Variants in MTBP observed in about 807,000 individuals in gnomAD.
MTBP encodes mdm2-binding protein.
A neutral mutation model predicts 117.0 loss-of-function variants in MTBP; 101 were observed. That is an observed-to-expected ratio of 0.86 (90% CI 0.73 to 1.02). The LOEUF is 1.02. Among genes scored for constraint, MTBP ranks in the 50% least tolerant of loss-of-function variants. MTBP has a pLI of 0.00. For missense variants in MTBP, 970 were observed against 1,030.9 expected (o/e 0.94, Z 0.81); for synonymous variants, 350 against 351.5 (o/e 1.00, Z 0.05).
chr8:120,503,937 G>T (rs1349717834), intron 15 of MTBP, among the ~76,000 whole-genome samples: 1 of 152,098 alleles, frequency 6.6e-6, no homozygotes, highest in African/African-American at 2.4e-5. Flanking sequence ...TAGATGGGTG[G>T]AAACTTAGGG....
chr8:120,507,271 C>G (rs1814706737), intron 16 of MTBP, among the ~76,000 whole-genome samples: 1 of 152,064 alleles, frequency 6.6e-6, no homozygotes, highest in East Asian at 1.9e-4. Flanking sequence ...TAGCAAAAAG[C>G]ATGGCCTTTC....
At position 120,502,500 on chromosome 8, in the gene MTBP, C is replaced by A. The variant is rs776430978; in HGVS notation, c.1618C>A (p.Pro540Thr). 2 of 1,585,982 alleles carry A rather than the reference C, an allele frequency of 1.3e-6. No homozygotes were observed. The highest frequency in any genetic ancestry group is 1.7e-6 in the Non-Finnish European group (2 of 1,166,990). Residue 540 changes from proline to threonine, a missense_variant, in exon 15 of 22, where the codon CCA becomes ACA. Coordinates refer to ENST00000305949, the MANE Select transcript of MTBP (RefSeq NM_022045.5). ...KTFNILNDFS[P>T]VEPNSSSLME... ...TATTTCTTTCACTTTAGATTTTAGT[C>A]CAGTGGAACCTAATTCCTCAAGTCT...
At chr8:120,495,276 T>C (rs1814427208) in intron 13 of MTBP, among the ~76,000 whole-genome samples, 1 of 152,206 alleles carries the variant, frequency 6.6e-6, no homozygotes, top group African/African-American at 2.4e-5. Context: ...TGCTTTGCTA[T>C]GTTTCTGTTG....
At chr8:120,511,409 C>T (rs1814806122) in intron 17 of MTBP, among the ~76,000 whole-genome samples, 2 of 152,214 alleles carry the variant, frequency 1.3e-5, no homozygotes, top group South Asian at 4.1e-4. Flanking sequence ...GATTCTCATG[C>T]CTCAGCCTCC....
intron 8 of MTBP, among the ~76,000 whole-genome samples, chr8:120,459,922 A>C (rs1465444604): frequency 6.6e-6 from 1 of 152,148 alleles, no homozygotes; most frequent in South Asian, 2.1e-4. Context: ...AATGCAAGTA[A>C]TTATAAAATA....
At chr8:120,517,743 C>T (rs1386773071) in intron 18 of MTBP, 108 bp from the exon 19 acceptor site, 9 of 1,122,064 alleles carry the variant, frequency 8.0e-6, no homozygotes, top group Admixed American at 7.6e-5. Flanking sequence ...AAATGAACTT[C>T]GATGTTGATT....
chr8:120,503,948 T>C (rs562286076), intron 15 of MTBP, among the ~76,000 whole-genome samples: 14 of 152,138 alleles, frequency 9.2e-5, no homozygotes, highest in African/African-American at 2.9e-4. Context: ...AAACTTAGGG[T>C]GAGGACAGCT....
chr8:120,468,749 G>A (rs749610805), intron 10 of MTBP, among the ~76,000 whole-genome samples: 15 of 152,134 alleles, frequency 9.9e-5, no homozygotes, highest in South Asian at 2.1e-4. Flanking sequence ...AGTCTTAGAT[G>A]TAATGGTTTC....
intron 2 of MTBP, among the ~76,000 whole-genome samples, chr8:120,449,928 G>C (rs1437727734): frequency 1.3e-5 from 2 of 152,164 alleles, no homozygotes; most frequent in East Asian, 3.8e-4. Flanking sequence ...AAGTGGAAAA[G>C]TTGATGAGGA....
Position 120,488,253 on chromosome 8 carries a change from A to G in MTBP, c.1260A>G (p.Ser420=), listed in dbSNP as rs1814261018. The change falls in exon 12 of 22, where the codon TCA becomes TCG. Residue 420 remains serine, a synonymous_variant. Coordinates refer to ENST00000305949, the MANE Select transcript of MTBP (RefSeq NM_022045.5). ...GATGTAAAGCCACATTGATTCACTC[A>G]GCCAACCAGATCAATGGCTCATTTG... ...NRRCKATLIH[S]ANQINGSFAL... is the part of the protein sequence containing the mutation. 1 of 1,591,770 alleles carries G rather than the reference A, an allele frequency of 6.3e-7. No individual in the cohort carries two copies.
chr8:120,518,023 A>G lies in MTBP; in HGVS notation c.2419A>G (p.Ser807Gly). The G allele has an allele frequency of 6.2e-7, 1 of 1,612,912 alleles. No homozygotes were observed. The highest frequency in any genetic ancestry group is 8.5e-7 in the Non-Finnish European group (1 of 1,179,172). Reference protein sequence around the residue: ...CETPKLATKTSSGQKSMHESK... With the variant: ...CETPKLATKTGSGQKSMHESK... The stretch of plus-strand genomic sequence containing the variant: ...AACTCCAAAACTTGCTACAAAGACC[A>G]GTTCAGGTCAAAAAAGTATGCATGA... The change falls in exon 19 of 22, where the codon AGT (serine) becomes GGT (glycine). Residue 807 changes from serine (S) to glycine (G), a missense_variant. Coordinates refer to ENST00000305949, the MANE Select transcript of MTBP (RefSeq NM_022045.5).
intron 11 of MTBP, among the ~76,000 whole-genome samples, chr8:120,485,873 C>G (rs977635606): frequency 6.6e-6 from 1 of 152,120 alleles, no homozygotes; most frequent in Non-Finnish European, 1.5e-5. Context: ...GAGGGTGCGG[C>G]CTTCAGTGTG....
intron 10 of MTBP, among the ~76,000 whole-genome samples, chr8:120,467,418 C>G (rs1045003035): frequency 1.3e-5 from 2 of 152,084 alleles, no homozygotes; most frequent in Non-Finnish European, 2.9e-5. Flanking sequence ...AGTCCAAGAC[C>G]AGCCTGAGCA....
intron 17 of MTBP, among the ~76,000 whole-genome samples, chr8:120,511,548 G>A (rs1436752465): frequency 6.6e-6 from 1 of 152,088 alleles, no homozygotes; most frequent in Non-Finnish European, 1.5e-5. Context: ...ACCTGCCTCA[G>A]CCTCAAAAAG....
At chr8:120,492,599 A>G (rs1249629519) in intron 13 of MTBP, among the ~76,000 whole-genome samples, 1 of 152,204 alleles carries the variant, frequency 6.6e-6, no homozygotes, top group African/African-American at 2.4e-5. Context: ...TATCAACAAA[A>G]CATGGGGTAG....
intron 2 of MTBP, among the ~76,000 whole-genome samples, chr8:120,446,871 T>G (rs1428450566): frequency 6.6e-6 from 1 of 152,156 alleles, no homozygotes; most frequent in African/African-American, 2.4e-5. Flanking sequence ...TACCATTTAT[T>G]TATTTATTTA....
At chr8:120,473,079 T>G (rs1813855687) in intron 11 of MTBP, 1 of 152,188 alleles carries the variant, frequency 6.6e-6, no homozygotes, top group Non-Finnish European at 1.5e-5. Context: ...TGTATATAAC[T>G]TCTGCACATC....
chr8:120,493,091 A>G (rs916419564), intron 13 of MTBP, among the ~76,000 whole-genome samples: 10 of 152,202 alleles, frequency 6.6e-5, no homozygotes, highest in African/African-American at 2.4e-4. Flanking sequence ...TTTATAAAAC[A>G]CAGTGCAAAG....
chr8:120,446,072 C>CTTTTTG (rs1813219738), intron 1 of MTBP, among the ~76,000 whole-genome samples: 1 of 152,078 alleles, frequency 6.6e-6, no homozygotes, highest in South Asian at 2.1e-4. Flanking sequence ...TTGGTGCACC[C>CTTTTTG]GTCTAGATTC....
Sources: allele counts gnomAD v4.1 joint callset (sites outside exome capture counted in the v4.1 genomes callset), GRCh38; gene constraint gnomAD v4.1.1; transcripts MANE v1.5; gene names NCBI Gene and HGNC (gene_info 2026-07-23, HGNC 2026-07-21).